TEKT3: variants seen among roughly 807,000 people sequenced by gnomAD.
The protein encoded by TEKT3 is tektin 3, also known as tektin-3.
A neutral mutation model predicts 49.8 loss-of-function variants in TEKT3; 49 were observed. The observed-to-expected ratio is 0.98, with a 90% CI of 0.78 to 1.25. TEKT3 has a LOEUF of 1.25. Ranked by LOEUF, TEKT3 falls within the 50% of genes most tolerant of loss-of-function variation. The pLI is 0.00. For synonymous variants in TEKT3, 225 were observed against 237.2 expected (o/e 0.95, Z 0.47); for missense variants, 595 against 629.5 (o/e 0.95, Z 0.59).
intron 7 of TEKT3, among the ~76,000 whole-genome samples, chr17:15,309,043 C>T (rs530604520): frequency 6.6e-6 from 1 of 152,254 alleles, no homozygotes; most frequent in East Asian, 1.9e-4. Flanking sequence ...GCGCCTCTCT[C>T]CCCAACCCTA....
intron 2 of TEKT3, among the ~76,000 whole-genome samples, chr17:15,332,597 G>A (rs1911811675): frequency 6.6e-6 from 1 of 152,134 alleles, no homozygotes; most frequent in South Asian, 2.1e-4. Context: ...GCAGCTCGAG[G>A]CAAGTACCTG....
intron 5 of TEKT3, among the ~76,000 whole-genome samples, chr17:15,315,919 C>T (rs1014511629): frequency 2.8e-4 from 43 of 152,224 alleles, no homozygotes; most frequent in African/African-American, 9.4e-4. Context: ...TCAGTAAAGG[C>T]TGTGTTGAAT....
chr17:15,308,913 T>C (rs1409414362), intron 7 of TEKT3, 95 bp from the exon 8 acceptor site: 2 of 1,452,222 alleles, frequency 1.4e-6, no homozygotes, highest in Non-Finnish European at 1.9e-6. Context: ...GTCCAGCACG[T>C]GCCTTGACCT....
intron 4 of TEKT3, among the ~76,000 whole-genome samples, chr17:15,320,484 A>G (rs902402116): frequency 3.9e-5 from 6 of 152,118 alleles, no homozygotes; most frequent in African/African-American, 1.4e-4. Flanking sequence ...TATCAAATAT[A>G]TCTCCTTTTG....
chr17:15,343,160 A>G (rs913431386), upstream of TEKT3, among the ~76,000 whole-genome samples: 2 of 152,254 alleles, frequency 1.3e-5, no homozygotes, highest in African/African-American at 4.8e-5. Context: ...CTAGATGCCC[A>G]ATAGCATTGC....
chr17:15,332,836 C>T (rs1008647149), intron 2 of TEKT3, among the ~76,000 whole-genome samples: 1 of 152,156 alleles, frequency 6.6e-6, no homozygotes, highest in Non-Finnish European at 1.5e-5. Context: ...AAGGTGAACT[C>T]CTCAGAAGTA....
intron 4 of TEKT3, among the ~76,000 whole-genome samples, chr17:15,325,060 A>C (rs1358498898): frequency 2.6e-5 from 4 of 152,244 alleles, no homozygotes; most frequent in Non-Finnish European, 5.9e-5. Context: ...TCATTGTCAA[A>C]GATCAATAGA....
At chr17:15,330,580 A>G (rs230903) in intron 3 of TEKT3, among the ~76,000 whole-genome samples, 25,167 of 152,050 alleles carry the variant, frequency 0.17, 2,278 homozygotes, top group African/African-American at 0.24. Flanking sequence ...GAAGCTTCCT[A>G]AGGGCTCCCC....
At chr17:15,309,642 AC>A (rs1382706944) in intron 7 of TEKT3, among the ~76,000 whole-genome samples, 1 of 151,788 alleles carries the variant, frequency 6.6e-6, no homozygotes, top group African/African-American at 2.4e-5. Flanking sequence ...TTTTTTGGAA[AC>A]CCTATGTTTT....
chr17:15,338,808 G>A (rs1268093486), intron 2 of TEKT3, among the ~76,000 whole-genome samples: 18 of 150,554 alleles, frequency 1.2e-4, no homozygotes, highest in African/African-American at 3.9e-4. Flanking sequence ...GAGCCACCGC[G>A]CCCAGCCAGT....
At chr17:15,305,197 G>A (rs1471632710) in intron 8 of TEKT3, among the ~76,000 whole-genome samples, 1 of 152,176 alleles carries the variant, frequency 6.6e-6, no homozygotes, top group Non-Finnish European at 1.5e-5. Flanking sequence ...AAGGCAGGAC[G>A]GAGCCTGGAG....
chr17:15,325,003 C>T (rs1165295108), intron 4 of TEKT3, among the ~76,000 whole-genome samples: 3 of 152,120 alleles, frequency 2.0e-5, no homozygotes, highest in Non-Finnish European at 4.4e-5. Flanking sequence ...TCCAATTGTC[C>T]AAATACCATT....
intron 3 of TEKT3, among the ~76,000 whole-genome samples, chr17:15,329,382 A>C (rs1911623342): frequency 6.6e-6 from 1 of 152,240 alleles, no homozygotes; most frequent in Non-Finnish European, 1.5e-5. Context: ...TTCAAATTAG[A>C]ACCATCTTTC....
rs933469093 is a variant in TEKT3 at position 15,318,320 on chromosome 17, G to A, written c.734+757C>T. Among the ~76,000 whole-genome samples, 3 of 152,002 alleles carry A rather than the reference G, an allele frequency of 2.0e-5. No homozygotes were observed. The East Asian group carries it at 5.8e-4, about 29-fold the overall frequency. On this transcript the variant is annotated intron_variant, in intron 5 of 8. Coordinates refer to ENST00000395930, the MANE Select transcript of TEKT3 (RefSeq NM_031898.3). ...GAGGCCAGATCTTTAAGGAGGTATG[G>A]AAGATAAACATTCAAGTAAACGACC... is the stretch of plus-strand genomic sequence containing the variant.
chr17:15,307,691 C>T (rs1404538906), intron 8 of TEKT3, among the ~76,000 whole-genome samples: 1 of 152,116 alleles, frequency 6.6e-6, no homozygotes, highest in Non-Finnish European at 1.5e-5. Flanking sequence ...AGAATTTTAT[C>T]GTGGAAGCAG....
At chr17:15,314,653 T>C (rs557179987) in intron 5 of TEKT3, among the ~76,000 whole-genome samples, 35 of 152,310 alleles carry the variant, frequency 2.3e-4, no homozygotes, top group East Asian at 1.9e-3. Context: ...AGCTCCCTTT[T>C]CCTCCATTAT....
rs757835201 is a variant in TEKT3, at chr17:15,312,455, T to A, written c.905A>T (p.Lys302Ile). 6.2e-7 allele frequency: 1 copy of A among 1,614,026 alleles called. No homozygotes were observed. Among genetic ancestry groups the A allele is most frequent in the Non-Finnish European group, 8.5e-7 (1 of 1,180,012 alleles). Residue 302 changes from lysine to isoleucine, a missense_variant, in exon 7 of 9, where the codon AAA becomes ATA. Coordinates refer to ENST00000395930, the MANE Select transcript of TEKT3 (RefSeq NM_031898.3). ...ATVSVPESWA[K>I]FTDDNILRSQ... The stretch of plus-strand genomic sequence containing the variant: ...GCGGAGAATATTGTCATCTGTAAAT[T>A]TGGCCCAGGACTCAGGCACTGAGAC...
At position 15,331,003 on chromosome 17, in the gene TEKT3, T is replaced by G. The variant is rs1911702604; in HGVS notation, c.579+4A>C. The stretch of plus-strand genomic sequence containing the variant: ...ATTCAGTGTGTTCTATCATAAGGTC[T>G]TACCTGAAGAGGGGCTTCAGTCTCC... On this transcript the variant is annotated splice_donor_region_variant and intron_variant, in intron 3 of 8. Coordinates refer to ENST00000395930, the MANE Select transcript of TEKT3 (RefSeq NM_031898.3). 1 of 1,602,152 alleles carries G rather than the reference T, an allele frequency of 6.2e-7. No homozygotes were observed. Among genetic ancestry groups the G allele is most frequent in the Non-Finnish European group, 8.5e-7 (1 of 1,174,458 alleles).
At chr17:15,307,701 G>A (rs1336906932) in intron 8 of TEKT3, among the ~76,000 whole-genome samples, 1 of 152,156 alleles carries the variant, frequency 6.6e-6, no homozygotes, top group East Asian at 1.9e-4. Context: ...CGTGGAAGCA[G>A]AGCGAGTGGC....
Sources: gnomAD v4.1 joint callset for allele counts (sites outside exome capture counted in the v4.1 genomes callset) on GRCh38, gnomAD v4.1.1 for gene constraint, MANE v1.5 for transcripts, NCBI Gene and HGNC (gene_info 2026-07-23, HGNC 2026-07-21) for gene names.